CNMD: variants seen among roughly 807,000 people sequenced by gnomAD.
CNMD encodes the protein leukocyte cell-derived chemotaxin 1.
CNMD carries 30 observed loss-of-function variants against 37.5 expected under a neutral mutation model. The observed-to-expected ratio is 0.80, with a 90% CI of 0.60 to 1.09. The LOEUF (loss-of-function observed/expected upper bound fraction) is 1.09, where lower values mean the gene tolerates loss of function less well. CNMD is among the 50% of genes least tolerant of loss of function. The pLI, the probability that CNMD is intolerant of heterozygous loss-of-function variation, is 0.00. For missense variants in CNMD, 398 were observed against 423.9 expected, an observed-to-expected ratio of 0.94 and a Z score of 0.54; for synonymous variants, 167 against 148.2, an observed-to-expected ratio of 1.13 and a Z score of -0.92.
chr13:52,739,588 C>T lies in CNMD; in HGVS notation c.72+42G>A. 1 of 1,570,150 alleles carries T rather than the reference C, an allele frequency of 6.4e-7. No homozygotes were observed. Among genetic ancestry groups the T allele is most frequent in the Non-Finnish European group, 8.8e-7 (1 of 1,140,136 alleles). On this transcript the variant is annotated intron_variant, in intron 1 of 6. Coordinates refer to ENST00000377962, the MANE Select transcript of CNMD (RefSeq NM_007015.3). The surrounding 1 kb of genome is among the most constrained non-coding windows in gnomAD (Gnocchi z 5.4). ...TCCGAACTGTGGAACCTGATACTCA[C>T]ACAACCCAGGCCCTGCGTGTGGAAT... is the stretch of plus-strand genomic sequence containing the variant.
In CNMD at chr13:52,739,299, C is replaced by A. The variant is rs1318801743; in HGVS notation, c.73-128G>T. ...TCGGGCGGGAAACAGCTCGCCCGGGCTCCTACGGGTGCCCCTTTCGCCGCG... is the reference window on the plus strand; with the variant it reads ...TCGGGCGGGAAACAGCTCGCCCGGGATCCTACGGGTGCCCCTTTCGCCGCG... On this transcript the variant is annotated intron_variant, in intron 1 of 6. Coordinates refer to ENST00000377962, the MANE Select transcript of CNMD (RefSeq NM_007015.3). This position sits in a 1 kb window ranked among gnomAD's most constrained non-coding sequence, Gnocchi z 5.4. 3 of 1,158,072 alleles carry A rather than the reference C, an allele frequency of 2.6e-6. No homozygotes were observed. Among genetic ancestry groups the A allele is most frequent in the African/African-American group, 1.6e-5 (1 of 61,082 alleles). The allele number at this position is 1,158,072 out of a possible 1,614,324, so 71.7% of individuals were successfully genotyped here.
At chr13:52,717,971 C>T (rs1964418068) in intron 4 of CNMD, among the ~76,000 whole-genome samples, 1 of 152,122 alleles carries the variant, frequency 6.6e-6, no homozygotes. Flanking sequence ...CCGTCTGGTC[C>T]TGGGCTTTTT....
chr13:52,704,676 T>C (rs1241039959), intron 6 of CNMD, among the ~76,000 whole-genome samples: 1 of 152,154 alleles, frequency 6.6e-6, no homozygotes, highest in Admixed American at 6.6e-5. Flanking sequence ...AATTCTTGAT[T>C]CAATTTAAGA....
At chr13:52,714,786 C>T (rs1028444363) in intron 4 of CNMD, among the ~76,000 whole-genome samples, 21 of 151,996 alleles carry the variant, frequency 1.4e-4, no homozygotes, top group African/African-American at 3.4e-4. Flanking sequence ...CACACACACA[C>T]GGAGAAAATT....
chr13:52,723,916 A>C lies in CNMD; in HGVS notation c.468+81T>G. ...TCTCAATAAAAATAAAAATAAAAACAAAAAATAAAAACCAAAAGGGTTGTG... is the reference window on the plus strand; with the variant it reads ...TCTCAATAAAAATAAAAATAAAAACCAAAAATAAAAACCAAAAGGGTTGTG... On this transcript the variant is annotated intron_variant, in intron 4 of 6. Transcript: ENST00000377962. 10 of 912,024 alleles carry C rather than the reference A, an allele frequency of 1.1e-5. 1 individual carries two copies. The South Asian group carries it at 1.3e-4, about 12-fold the overall frequency. The allele number at this position is 912,024 out of a possible 1,614,324, so 56.5% of individuals were successfully genotyped here.
chr13:52,707,304 C>T (rs910675802), intron 6 of CNMD, among the ~76,000 whole-genome samples: 2 of 150,266 alleles, frequency 1.3e-5, no homozygotes, highest in South Asian at 2.1e-4. Flanking sequence ...TTTAGCACCT[C>T]GTGTCATCCT....
intron 3 of CNMD, among the ~76,000 whole-genome samples, chr13:52,725,564 A>G (rs1419594936): frequency 6.6e-6 from 1 of 152,198 alleles, no homozygotes; most frequent in East Asian, 1.9e-4. Context: ...CACAGAGGAC[A>G]TGAGGGGTAA....
At chr13:52,705,817 G>C (rs1964164836) in intron 6 of CNMD, among the ~76,000 whole-genome samples, 1 of 152,330 alleles carries the variant, frequency 6.6e-6, no homozygotes, top group Non-Finnish European at 1.5e-5. Flanking sequence ...TATCCTGCCT[G>C]TCTATAAAGG....
chr13:52,731,725 G>A lies in CNMD; in HGVS notation c.354+1494C>T, dbSNP rs73490279. ...AAGAAAGATGAATCGTTTCTTATTCGTCTTTGTAGCTCCCTTTGCATATCT... is the reference window on the plus strand; with the variant it reads ...AAGAAAGATGAATCGTTTCTTATTCATCTTTGTAGCTCCCTTTGCATATCT... On this transcript the variant is annotated intron_variant, in intron 3 of 6. Transcript: ENST00000377962. Among the ~76,000 whole-genome samples, 585 of 152,288 alleles carry A rather than the reference G, an allele frequency of 3.8e-3. 2 individuals are homozygous for A. The highest frequency in any genetic ancestry group is 0.011 in the African/African-American group (453 of 41,550).
chr13:52,709,760 G>A (rs1031443025), intron 5 of CNMD, among the ~76,000 whole-genome samples: 9 of 152,124 alleles, frequency 5.9e-5, no homozygotes, highest in Non-Finnish European at 1.0e-4. Context: ...ATCACTTGAG[G>A]TCAGGAGTTC....
intron 2 of CNMD, among the ~76,000 whole-genome samples, chr13:52,733,902 A>T (rs372342391): frequency 8.5e-5 from 13 of 152,324 alleles, no homozygotes; most frequent in African/African-American, 3.1e-4. Flanking sequence ...TGTCTCAGGT[A>T]TATGGTATAT....
intron 3 of CNMD, among the ~76,000 whole-genome samples, chr13:52,729,326 G>A (rs1177164943): frequency 6.6e-6 from 1 of 152,150 alleles, no homozygotes; most frequent in Non-Finnish European, 1.5e-5. Flanking sequence ...ATTGTCCCGG[G>A]TTGGAGGAAA....
At chr13:52,711,400 G>C (rs529595007) in intron 5 of CNMD, among the ~76,000 whole-genome samples, 4 of 152,202 alleles carry the variant, frequency 2.6e-5, no homozygotes, top group Non-Finnish European at 4.4e-5. Context: ...ATAGGAGCAA[G>C]AGCAGGAATG....
At chr13:52,738,865 C>T (rs1964822892) in intron 2 of CNMD, among the ~76,000 whole-genome samples, 166 bp downstream of exon 2, 1 of 152,190 alleles carries the variant, frequency 6.6e-6, no homozygotes, top group East Asian at 1.9e-4. Context: ...ACAACGTTGA[C>T]CTAAGGCGGA....
At chr13:52,726,300 T>C (rs572765719) in intron 3 of CNMD, among the ~76,000 whole-genome samples, 18 of 152,274 alleles carry the variant, frequency 1.2e-4, no homozygotes, top group African/African-American at 4.3e-4. Context: ...AAGACTACCA[T>C]ATGAAAGAGA....
intron 2 of CNMD, chr13:52,733,640 G>T (rs1462089984): frequency 1.7e-5 from 8 of 460,798 alleles, no homozygotes; most frequent in Non-Finnish European, 3.3e-5. Context: ...AAGCATCTGG[G>T]TAGACTCTCT....
chr13:52,729,006 C>T (rs995640960), intron 3 of CNMD, among the ~76,000 whole-genome samples: 3 of 152,168 alleles, frequency 2.0e-5, no homozygotes, highest in African/African-American at 4.8e-5. Flanking sequence ...GCTTTAGAAG[C>T]TGGTGGTAAT....
At chr13:52,719,917 G>GT (rs1491113465) in intron 4 of CNMD, among the ~76,000 whole-genome samples, 1 of 152,214 alleles carries the variant, frequency 6.6e-6, no homozygotes, top group East Asian at 1.9e-4. Flanking sequence ...ATCCTGAAGA[G>GT]TGTTTCCCAA....
intron 3 of CNMD, among the ~76,000 whole-genome samples, chr13:52,730,837 T>C (rs985676406): frequency 3.9e-5 from 6 of 152,058 alleles, no homozygotes; most frequent in Non-Finnish European, 7.4e-5. Context: ...CTGGAGCACT[T>C]TTTTCAGTGC....
Sources: allele counts gnomAD v4.1 joint callset (sites outside exome capture counted in the v4.1 genomes callset), GRCh38; gene constraint gnomAD v4.1.1; non-coding constraint Gnocchi (gnomAD v3.1); transcripts MANE v1.5; gene names NCBI Gene and HGNC (gene_info 2026-07-23, HGNC 2026-07-21).